The following MDN1 variants were observed in gnomAD, a reference collection of about 807,000 sequenced individuals.
MDN1 encodes the protein midasin.
Under a neutral mutation model 669.2 loss-of-function variants are expected in MDN1, and 266 were observed. That is an observed-to-expected ratio of 0.40 (90% CI 0.36 to 0.44). The LOEUF is 0.44. Ranked by LOEUF, MDN1 falls within the 20% of genes least tolerant of loss-of-function variation. MDN1 has a pLI of 1.00. For synonymous variants in MDN1, 2,385 were observed against 2,457.1 expected (o/e 0.97, Z 0.87); for missense variants, 5,940 against 6,754.0 (o/e 0.88, Z 4.22).
intron 33 of MDN1, among the ~76,000 whole-genome samples, chr6:89,733,892 AAT>A (rs2128315600): frequency 6.6e-6 from 1 of 151,632 alleles, no homozygotes; most frequent in South Asian, 2.1e-4. Flanking sequence ...TTTTAAAACA[AAT>A]ATATAAAGGT....
intron 9 of MDN1, among the ~76,000 whole-genome samples, chr6:89,783,299 C>T (rs952052815): frequency 1.3e-5 from 2 of 152,092 alleles, no homozygotes; most frequent in South Asian, 2.1e-4. Flanking sequence ...CTATAAATGG[C>T]CGCTCTGGGA....
chr6:89,693,535 T>C (rs545596298), intron 62 of MDN1, among the ~76,000 whole-genome samples: 10 of 152,336 alleles, frequency 6.6e-5, no homozygotes, highest in African/African-American at 2.4e-4. Flanking sequence ...CTATACAGGC[T>C]GAGCATCCCA....
chr6:89,817,988 A>G (rs986188878), intron 1 of MDN1, among the ~76,000 whole-genome samples: 1 of 151,870 alleles, frequency 6.6e-6, no homozygotes, highest in Non-Finnish European at 1.5e-5. Flanking sequence ...AATTGGCCCC[A>G]CTCCCCAGAA....
intron 88 of MDN1, among the ~76,000 whole-genome samples, chr6:89,659,889 A>T (rs1019981908): frequency 1.3e-5 from 2 of 152,208 alleles, no homozygotes; most frequent in Middle Eastern, 3.4e-3. Context: ...CTTATTATTT[A>T]TTTTTTTATT....
At chr6:89,811,383 G>A (rs1295250880) in intron 1 of MDN1, among the ~76,000 whole-genome samples, 4 of 151,802 alleles carry the variant, frequency 2.6e-5, no homozygotes, top group African/African-American at 9.7e-5. Flanking sequence ...CATGTCAGCT[G>A]GCTTGCTATT....
At chr6:89,686,698 C>T (rs1017264914) in intron 69 of MDN1, among the ~76,000 whole-genome samples, 8 of 152,208 alleles carry the variant, frequency 5.3e-5, no homozygotes, top group African/African-American at 1.9e-4. Context: ...ACCTCTCACA[C>T]TTTTGTTATT....
intron 22 of MDN1, 79 bp downstream of exon 22, chr6:89,753,433 A>AGG (rs1434469237): frequency 3.5e-6 from 4 of 1,142,260 alleles, no homozygotes; most frequent in East Asian, 4.8e-5. Context: ...GTTATGTGAA[A>AGG]AAAAAAAAAC....
Position 89,658,273 on chromosome 6 carries a change from T to C in MDN1, c.15119A>G (p.Asn5040Ser). 2.5e-6 allele frequency: 4 copies of C among 1,614,212 alleles called. No homozygotes were observed. Among genetic ancestry groups the C allele is most frequent in the Non-Finnish European group, 3.4e-6 (4 of 1,180,042 alleles). ...CTCCATGGCCTGTGTGTTCTGCATG[T>C]TCTCCACACCAGTCTGCCCACAGGA... ...HASCGQTGVE[N>S]MQNTQAMELA... The change falls in exon 90 of 102, where the codon AAC (asparagine) becomes AGC (serine). Residue 5040 changes from asparagine (N) to serine (S), a missense_variant. Physicochemically the swap from Asn to Ser is conservative, Grantham distance 46. This residue lies in a region of MDN1 where 2,280 missense variants were observed against 2,576.3 expected (regional missense o/e 0.88). Coordinates refer to ENST00000369393, the MANE Select transcript of MDN1 (RefSeq NM_014611.3).
At chr6:89,797,549 A>T (rs975247849) in intron 2 of MDN1, 2 of 313,426 alleles carry the variant, frequency 6.4e-6, no homozygotes, top group African/African-American at 4.5e-5. Flanking sequence ...GAGGCAGGGG[A>T]GCCCAGCTGG....
Position 89,695,558 on chromosome 6 carries a change from A to G in MDN1, c.9771+47T>C. On this transcript the variant is annotated intron_variant, in intron 61 of 101. Coordinates refer to ENST00000369393, the MANE Select transcript of MDN1 (RefSeq NM_014611.3). The surrounding 1 kb of genome is among the most constrained non-coding windows in gnomAD (Gnocchi z 4.1). Reference sequence around the variant, plus strand: ...AAGGAGTAATACAATAAGCAAACCCAGCACGTCAGGGAAGGAGCCCATGCT... The same window carrying G: ...AAGGAGTAATACAATAAGCAAACCCGGCACGTCAGGGAAGGAGCCCATGCT... The G allele has an allele frequency of 6.5e-7, 1 of 1,534,536 alleles. No homozygotes were observed. Among genetic ancestry groups the G allele is most frequent in the Non-Finnish European group, 8.8e-7 (1 of 1,138,636 alleles).
chr6:89,685,269 C>A (rs1811930414), intron 70 of MDN1, among the ~76,000 whole-genome samples: 1 of 152,102 alleles, frequency 6.6e-6, no homozygotes, highest in Non-Finnish European at 1.5e-5. Context: ...TCTAAAATCA[C>A]AATGTCAAAT....
intron 1 of MDN1, among the ~76,000 whole-genome samples, chr6:89,805,706 T>A (rs1330564532): frequency 2.0e-5 from 3 of 152,182 alleles, no homozygotes; most frequent in African/African-American, 7.2e-5. Flanking sequence ...GTCTTCCAAT[T>A]ACAGAGCATT....
At chr6:89,725,544 T>A (rs1815160218) in intron 37 of MDN1, 148 bp from the exon 38 acceptor site, 2 of 736,966 alleles carry the variant, frequency 2.7e-6, no homozygotes, top group Non-Finnish European at 4.4e-6. Flanking sequence ...TATTTTTGGC[T>A]GAGTTATGGT....
intron 52 of MDN1, among the ~76,000 whole-genome samples, chr6:89,706,398 T>G (rs1190540365): frequency 6.6e-6 from 1 of 152,188 alleles, no homozygotes; most frequent in Non-Finnish European, 1.5e-5. Context: ...GTCTTTCAGA[T>G]TTTCAATTTT....
chr6:89,686,300 C>T (rs369042546), intron 69 of MDN1, among the ~76,000 whole-genome samples: 2 of 152,066 alleles, frequency 1.3e-5, no homozygotes, highest in Non-Finnish European at 2.9e-5. Context: ...TGTTGGGCAC[C>T]GGTAATCCCA....
intron 84 of MDN1, among the ~76,000 whole-genome samples, chr6:89,665,865 C>A (rs1377603816): frequency 6.6e-6 from 1 of 152,098 alleles, no homozygotes; most frequent in Admixed American, 6.5e-5. Flanking sequence ...CATGGCAAAA[C>A]CCTGTCTCTA....
At chr6:89,688,233 T>A in intron 66 of MDN1, 60 bp from the exon 67 acceptor site, 1 of 1,463,420 alleles carries the variant, frequency 6.8e-7, no homozygotes, top group Non-Finnish European at 9.6e-7. Flanking sequence ...AGTCACAGGG[T>A]ACTGAAGAGA....
intron 11 of MDN1, among the ~76,000 whole-genome samples, chr6:89,779,877 C>G (rs1224394935): frequency 1.3e-5 from 2 of 151,972 alleles, no homozygotes; most frequent in African/African-American, 4.8e-5. Context: ...ACCAGCCTGG[C>G]CAACATGGTG....
intron 50 of MDN1, among the ~76,000 whole-genome samples, chr6:89,709,824 T>A (rs1240275712): frequency 1.3e-5 from 2 of 152,196 alleles, no homozygotes; most frequent in Middle Eastern, 3.2e-3. Flanking sequence ...TTAAAAAAAA[T>A]TAATCTTGAA....
Sources: gnomAD v4.1 joint callset for allele counts (sites outside exome capture counted in the v4.1 genomes callset) on GRCh38, gnomAD v4.1.1 for gene constraint, gnomAD v4.1.1 regional missense constraint, Gnocchi (gnomAD v3.1) non-coding constraint, MANE v1.5 for transcripts, NCBI Gene and HGNC (gene_info 2026-07-23, HGNC 2026-07-21) for gene names.